HSF2BP: variants seen among roughly 807,000 people sequenced by gnomAD.
HSF2BP encodes heat shock factor 2-binding protein.
A neutral mutation model predicts 35.0 loss-of-function variants in HSF2BP; 35 were observed. The observed-to-expected ratio is 1.00, with a 90% CI of 0.76 to 1.32. The LOEUF (loss-of-function observed/expected upper bound fraction) is 1.32. Among genes scored for constraint, HSF2BP ranks in the 40% most tolerant of loss-of-function variants. The pLI is 0.00. For missense variants in HSF2BP, 326 were observed against 321.7 expected (o/e 1.01, Z -0.10); for synonymous variants, 114 against 117.4 (o/e 0.97, Z 0.18).
intron 4 of HSF2BP, among the ~76,000 whole-genome samples, chr21:43,637,393 G>T (rs1249447147): frequency 6.6e-6 from 1 of 152,050 alleles, no homozygotes; most frequent in African/African-American, 2.4e-5. Context: ...GTTTGCCTGG[G>T]GCTGTGCAAG....
At chr21:43,573,410 G>C (rs1601602998) in intron 8 of HSF2BP, among the ~76,000 whole-genome samples, 1 of 152,136 alleles carries the variant, frequency 6.6e-6, no homozygotes, top group East Asian at 1.9e-4. Flanking sequence ...GTGAAACTAG[G>C]AAAACCCACA....
intron 8 of HSF2BP, among the ~76,000 whole-genome samples, chr21:43,583,558 G>A (rs2081795068): frequency 7.1e-6 from 1 of 141,466 alleles, no homozygotes. Context: ...AGGACCTGCT[G>A]AGGGAGATGA....
intron 7 of HSF2BP, among the ~76,000 whole-genome samples, chr21:43,607,341 A>T (rs1263269448): frequency 6.6e-6 from 1 of 151,918 alleles, no homozygotes; most frequent in African/African-American, 2.4e-5. Context: ...ACACAATCCT[A>T]TTTACAACAG....
chr21:43,642,743 A>G (rs2082654068), intron 4 of HSF2BP, among the ~76,000 whole-genome samples: 1 of 151,748 alleles, frequency 6.6e-6, no homozygotes, highest in Non-Finnish European at 1.5e-5. Context: ...ATGCTACTTT[A>G]CCATGGCTGT....
At chr21:43,576,370 C>T (rs1601607056) in intron 8 of HSF2BP, among the ~76,000 whole-genome samples, 1 of 152,030 alleles carries the variant, frequency 6.6e-6, no homozygotes, top group Non-Finnish European at 1.5e-5. Context: ...TACACAGAGC[C>T]TCTACACTAC....
chr21:43,639,328 C>T (rs780995145), intron 4 of HSF2BP, among the ~76,000 whole-genome samples: 1 of 152,086 alleles, frequency 6.6e-6, no homozygotes, highest in African/African-American at 2.4e-5. Flanking sequence ...TTAAAACATT[C>T]GCTTTTTGAA....
In HSF2BP at chr21:43,658,271, G is replaced by C; in HGVS notation, c.-175C>G. 1.4e-6 allele frequency: 1 copy of C among 711,682 alleles called. No homozygotes were observed. The highest frequency in any genetic ancestry group is 2.0e-5 in the South Asian group (1 of 50,840). 44.1% of individuals were successfully genotyped at this position (711,682 alleles called of 1,614,324 possible). Reference sequence around the variant, plus strand: ...CTAGAGAGCGAGGAGTGGCCTTGGCGAGGTCCCTCTTTGGCTCTTCTGGCT... The same window carrying C: ...CTAGAGAGCGAGGAGTGGCCTTGGCCAGGTCCCTCTTTGGCTCTTCTGGCT... On this transcript the variant is annotated 5_prime_UTR_variant, in exon 2 of 9. Coordinates refer to ENST00000291560, the MANE Select transcript of HSF2BP (RefSeq NM_007031.2).
At chr21:43,626,205 T>G (rs1036914606) in intron 6 of HSF2BP, among the ~76,000 whole-genome samples, 3 of 152,096 alleles carry the variant, frequency 2.0e-5, no homozygotes, top group African/African-American at 7.2e-5. Flanking sequence ...TTTAAAGGAT[T>G]AAGAAACAAA....
intron 4 of HSF2BP, among the ~76,000 whole-genome samples, chr21:43,635,465 G>A (rs2082538749): frequency 6.6e-6 from 1 of 152,142 alleles, no homozygotes; most frequent in African/African-American, 2.4e-5. Flanking sequence ...GAACCATTGT[G>A]GTATTGCTAT....
chr21:43,595,454 T>C (rs1046268137), intron 7 of HSF2BP, among the ~76,000 whole-genome samples: 1 of 150,998 alleles, frequency 6.6e-6, no homozygotes, highest in Non-Finnish European at 1.5e-5. Flanking sequence ...AGCCCAGGAG[T>C]TGGAGGTCAG....
At chr21:43,656,815 T>C (rs2082876540) in intron 2 of HSF2BP, 78 bp from the exon 3 acceptor site, 1 of 1,191,420 alleles carries the variant, frequency 8.4e-7, no homozygotes, top group Non-Finnish European at 1.2e-6. Flanking sequence ...CTTGCTTTTC[T>C]TTCACACCTC....
In HSF2BP at chr21:43,592,369, CACT is replaced by C. The variant is rs770289476; in HGVS notation, c.693-44_693-42del. 1.0e-5 allele frequency: 13 copies of C among 1,283,332 alleles called. No homozygotes were observed. In the East Asian group the frequency reaches 1.6e-4, roughly 16 times the overall value. The allele number at this position is 1,283,332 out of a possible 1,614,324, so 79.5% of individuals were successfully genotyped here. ...AAAAGGTGTTGGAATGCTCCATCCA[CACT>C]ACATTTCACCCTAAACATACCTACT... On this transcript the variant is annotated intron_variant, in intron 7 of 8. Transcript: ENST00000291560.
At chr21:43,658,376 G>C (rs1424046968) in intron 1 of HSF2BP, 56 bp from the exon 2 acceptor site, 4 of 496,904 alleles carry the variant, frequency 8.0e-6, no homozygotes, top group Non-Finnish European at 1.4e-5. Flanking sequence ...AAATAAATCG[G>C]ATGGGTCCTT....
At chr21:43,613,226 G>C (rs1240674748) in intron 7 of HSF2BP, among the ~76,000 whole-genome samples, 1 of 152,216 alleles carries the variant, frequency 6.6e-6, no homozygotes, top group African/African-American at 2.4e-5. Context: ...GGGTCCCTGT[G>C]AGAAGCAATG....
chr21:43,651,293 T>C (rs1568943815), intron 3 of HSF2BP, among the ~76,000 whole-genome samples: 1 of 152,316 alleles, frequency 6.6e-6, no homozygotes, highest in East Asian at 1.9e-4. Context: ...CCACATTTTG[T>C]AGACACTAAT....
intron 6 of HSF2BP, among the ~76,000 whole-genome samples, chr21:43,623,115 T>G (rs2082349997): frequency 6.6e-6 from 1 of 152,122 alleles, no homozygotes; most frequent in Admixed American, 6.6e-5. Flanking sequence ...AGGTATCTTT[T>G]CTGACCACAA....
At chr21:43,632,127 A>C in intron 5 of HSF2BP, among the ~76,000 whole-genome samples, 1 of 49,470 alleles carries the variant, frequency 2.0e-5, no homozygotes, top group East Asian at 1.1e-3. Context: ...TCCCCCAAAC[A>C]CACACACGCT....
At position 43,655,525 on chromosome 21, in the gene HSF2BP, G is replaced by T. The variant is rs1251143814; in HGVS notation, c.187+1062C>A. Among the ~76,000 whole-genome samples the T allele has an allele frequency of 2.0e-5, 3 of 152,322 alleles. No homozygotes were observed. In the South Asian group the frequency reaches 6.2e-4, roughly 32 times the overall value. On this transcript the variant is annotated intron_variant, in intron 3 of 8. Transcript: ENST00000291560. ...CAGTCCAGCAAGAGCTAGGACTACG[G>T]AAGAGGCCTCTAGACAGGAGTCTCT...
At position 43,592,344 on chromosome 21, in the gene HSF2BP, A is replaced by C. The variant is rs765498945; in HGVS notation, c.693-16T>G. The C allele has an allele frequency of 1.5e-5, 24 of 1,560,270 alleles. No homozygotes were observed. In the South Asian group the frequency reaches 2.6e-4, roughly 17 times the overall value. ...CAGCATTAGCCTGAAATGTAAAAGAAAAAGGTGTTGGAATGCTCCATCCAC... is the reference window on the plus strand; with the variant it reads ...CAGCATTAGCCTGAAATGTAAAAGACAAAGGTGTTGGAATGCTCCATCCAC... On this transcript the variant is annotated splice_polypyrimidine_tract_variant and intron_variant, in intron 7 of 8. Transcript: ENST00000291560.
Sources: allele counts gnomAD v4.1 joint callset (sites outside exome capture counted in the v4.1 genomes callset), GRCh38; gene constraint gnomAD v4.1.1; transcripts MANE v1.5; gene names NCBI Gene and HGNC (gene_info 2026-07-23, HGNC 2026-07-21).